The following FLOT2 variants were observed in gnomAD, a reference collection of about 807,000 sequenced individuals.
The protein encoded by FLOT2 is flotillin 2.
A neutral mutation model predicts 54.9 loss-of-function variants in FLOT2; 35 were observed. The observed-to-expected ratio is 0.64, with a 90% CI of 0.49 to 0.84. The LOEUF (loss-of-function observed/expected upper bound fraction) is 0.84, where lower values mean the gene tolerates loss of function less well. FLOT2 is among the 40% of genes least tolerant of loss of function. The pLI is 0.00. For missense variants in FLOT2, 464 were observed against 572.1 expected, an observed-to-expected ratio of 0.81 and a Z score of 1.93; for synonymous variants, 207 against 228.9, an observed-to-expected ratio of 0.90 and a Z score of 0.86.
intron 1 of FLOT2, among the ~76,000 whole-genome samples, chr17:28,889,689 G>A (rs2039610786): frequency 6.6e-6 from 1 of 151,562 alleles, no homozygotes; most frequent in African/African-American, 2.4e-5. Flanking sequence ...GCCCAGGCTG[G>A]AGTGCAGTGG....
chr17:28,880,086 A>T lies in FLOT2; in HGVS notation c.*475T>A, dbSNP rs2039421292. ...CCTGGGGCAGGGTTTAGGGCTGGGA[A>T]GACCAGTCCAGGAGAGAGGACAGTG... On this transcript the variant is annotated 3_prime_UTR_variant, in exon 11 of 11. Coordinates refer to ENST00000394908, the MANE Select transcript of FLOT2 (RefSeq NM_004475.3). 18 of 995,240 alleles carry T rather than the reference A, an allele frequency of 1.8e-5. No homozygotes were observed. The highest frequency in any genetic ancestry group is 2.2e-5 in the Non-Finnish European group (18 of 836,068). 61.7% of individuals were successfully genotyped at this position (995,240 alleles called of 1,614,324 possible).
Position 28,882,929 on chromosome 17 carries a change from C to A in FLOT2, c.346+179G>T. The A allele has an allele frequency of 1.5e-6, 1 of 678,254 alleles. No individual in the cohort carries two copies. The highest frequency in any genetic ancestry group is 2.7e-5 in the East Asian group (1 of 36,744). 42.0% of individuals were successfully genotyped at this position (678,254 alleles called of 1,614,324 possible). A position where few individuals can be genotyped will look rare whatever the true frequency, so the allele number is the denominator to read the frequency against. ...GAGCAGACCGACAGCCCCCATCCCACCCCTTCACTCATACCCTCTCCTTAA... is the reference window on the plus strand; with the variant it reads ...GAGCAGACCGACAGCCCCCATCCCAACCCTTCACTCATACCCTCTCCTTAA... On this transcript the variant is annotated intron_variant, in intron 4 of 10. Transcript: ENST00000394908. The surrounding 1 kb of genome is among the most constrained non-coding windows in gnomAD (Gnocchi z 5.6).
chr17:28,892,241 G>C (rs932926070), intron 1 of FLOT2, among the ~76,000 whole-genome samples: 42 of 151,984 alleles, frequency 2.8e-4, no homozygotes, highest in African/African-American at 9.9e-4. Context: ...TGGGGGCTGG[G>C]GCATGGCTGC....
rs1421466393 is a variant in FLOT2, at chr17:28,882,293, A to G, written c.579+44T>C. 1 of 1,614,034 alleles carries G rather than the reference A, an allele frequency of 6.2e-7. No homozygotes were observed. Among genetic ancestry groups the G allele is most frequent in the East Asian group, 2.2e-5 (1 of 44,878 alleles). On this transcript the variant is annotated intron_variant, in intron 6 of 10. Transcript: ENST00000394908. This position sits in a 1 kb window ranked among gnomAD's most constrained non-coding sequence, Gnocchi z 5.6. ...GAGTGAGTAGAGGTCCTGAGTCATCATGGTCCCATCACCCCTGAGCTTCCC... is the reference window on the plus strand; with the variant it reads ...GAGTGAGTAGAGGTCCTGAGTCATCGTGGTCCCATCACCCCTGAGCTTCCC...
chr17:28,882,393 C>G lies in FLOT2; in HGVS notation c.523G>C (p.Val175Leu). 1 of 1,614,134 alleles carries G rather than the reference C, an allele frequency of 6.2e-7. No individual in the cohort carries two copies. The highest frequency in any genetic ancestry group is 8.5e-7 in the Non-Finnish European group (1 of 1,180,036). Residue 175 changes from valine to leucine, a missense_variant, in exon 6 of 11, where the codon GTG (valine) becomes CTG (leucine). Val to Leu is a conservative substitution (Grantham distance 32, BLOSUM62 1). Transcript: ENST00000394908. The surrounding 1 kb of genome is among the most constrained non-coding windows in gnomAD (Gnocchi z 5.6). ...ACGCCAATGTCAGCATCTCTCTGCA[C>G]CACGGCAGTCTGCGTCTTGCCCAGG... is the stretch of plus-strand genomic sequence containing the variant. Reference protein sequence around the residue: ...SSLGKTQTAVVQRDADIGVAE... With the variant: ...SSLGKTQTAVLQRDADIGVAE...
At position 28,880,314 on chromosome 17, in the gene FLOT2, C is replaced by T; in HGVS notation, c.*247G>A. On this transcript the variant is annotated 3_prime_UTR_variant, in exon 11 of 11. Coordinates refer to ENST00000394908, the MANE Select transcript of FLOT2 (RefSeq NM_004475.3). ...AGAAAAAGACAGACAAAGGAAAAGA[C>T]ACGCAGGGAGATGAGACACAAACCT... The T allele has an allele frequency of 1.5e-6, 2 of 1,377,252 alleles. 1 individual carries two copies. The highest frequency in any genetic ancestry group is 3.5e-5 in the South Asian group (2 of 56,382). The allele number at this position is 1,377,252 out of a possible 1,614,324, so 85.3% of individuals were successfully genotyped here.
At position 28,880,339 on chromosome 17, in the gene FLOT2, TG is replaced by T; in HGVS notation, c.*221del. 7.1e-7 allele frequency: 1 copy of T among 1,402,778 alleles called. No individual in the cohort carries two copies. Among genetic ancestry groups the T allele is most frequent in the Non-Finnish European group, 9.3e-7 (1 of 1,080,184 alleles). 86.9% of individuals were successfully genotyped at this position (1,402,778 alleles called of 1,614,324 possible). ...CACGCAGGGAGATGAGACACAAACC[TG>T]ATGAAAGTGGCAGTGAAAGTGGGGT... On this transcript the variant is annotated 3_prime_UTR_variant, in exon 11 of 11. Coordinates refer to ENST00000394908, the MANE Select transcript of FLOT2 (RefSeq NM_004475.3).
At chr17:28,895,731 C>G (rs1309007572) in intron 1 of FLOT2, among the ~76,000 whole-genome samples, 2 of 152,032 alleles carry the variant, frequency 1.3e-5, no homozygotes, top group African/African-American at 2.4e-5. Context: ...TCCCCCGACC[C>G]CATCCAAATG....
chr17:28,896,100 T>G (rs1431091568), intron 1 of FLOT2, among the ~76,000 whole-genome samples: 1 of 152,180 alleles, frequency 6.6e-6, no homozygotes, highest in Non-Finnish European at 1.5e-5. Flanking sequence ...CATCCTCAGT[T>G]CTCAGCAAGA....
chr17:28,894,885 C>A (rs577711406), intron 1 of FLOT2, among the ~76,000 whole-genome samples: 1 of 147,022 alleles, frequency 6.8e-6, no homozygotes, highest in Non-Finnish European at 1.5e-5. Flanking sequence ...TGCCTAAGGA[C>A]CCCTCCTCAA....
intron 9 of FLOT2, 59 bp downstream of exon 9, chr17:28,881,133 G>A (rs1462858806): frequency 1.3e-6 from 2 of 1,504,796 alleles, no homozygotes; most frequent in Non-Finnish European, 1.8e-6. Context: ...TCTGGCACTT[G>A]CCCAGCTTGT....
rs777735240 is a variant in FLOT2 at position 28,882,165 on chromosome 17, C to T, written c.652G>A (p.Ala218Thr). 2.5e-6 allele frequency: 4 copies of T among 1,614,200 alleles called. No homozygotes were observed. In the South Asian group the frequency reaches 4.4e-5, roughly 18 times the overall value. The part of the protein sequence containing the change: ...ADTKIADSKR[A>T]FELQKSAFSE... ...AAGGCTGACTTTTGCAGCTCGAAGGCTCGCTTAGAGTCAGCAATCTTGGTG... is the reference window on the plus strand; with the variant it reads ...AAGGCTGACTTTTGCAGCTCGAAGGTTCGCTTAGAGTCAGCAATCTTGGTG... Residue 218 changes from alanine to threonine, a missense_variant, in exon 7 of 11, where the codon GCC becomes ACC. By Grantham distance (58) the Ala-to-Thr change is moderately conservative. Coordinates refer to ENST00000394908, the MANE Select transcript of FLOT2 (RefSeq NM_004475.3). The surrounding 1 kb of genome is among the most constrained non-coding windows in gnomAD (Gnocchi z 5.6).
In FLOT2 at chr17:28,882,130, C is replaced by T. The variant is rs1177014885; in HGVS notation, c.687G>A (p.Glu229=). The change falls in exon 7 of 11, where the codon GAG becomes GAA. Residue 229 remains glutamate, a synonymous_variant. Transcript: ENST00000394908. This position sits in a 1 kb window ranked among gnomAD's most constrained non-coding sequence, Gnocchi z 5.6. Reference sequence around the variant, plus strand: ...TCAGGCTGCTCACCTTGATGTTAACCTCCTCACTGAAGGCTGACTTTTGCA... The same window carrying T: ...TCAGGCTGCTCACCTTGATGTTAACTTCCTCACTGAAGGCTGACTTTTGCA... ...FELQKSAFSE[E]VNIKTAEAQL... The T allele has an allele frequency of 6.2e-7, 1 of 1,614,096 alleles. No individual in the cohort carries two copies.
In FLOT2 at chr17:28,880,724, C is replaced by T; in HGVS notation, c.1237G>A (p.Asp413Asn). The change falls in exon 10 of 11, where the codon GAC becomes AAC. Residue 413 changes from aspartate to asparagine, a missense_variant. By Grantham distance (23) the Asp-to-Asn change is conservative. Transcript: ENST00000394908. The stretch of plus-strand genomic sequence containing the variant: ...AGGCAGGCACATACCTTAGACAGGT[C>T]CACGCCTGTGAGGGCATGCACAGAG... ...PASVHALTGV[D>N]LSKIPLIKKA... The T allele has an allele frequency of 6.2e-7, 1 of 1,614,230 alleles. No individual in the cohort carries two copies. The highest frequency in any genetic ancestry group is 8.5e-7 in the Non-Finnish European group (1 of 1,180,040).
intron 2 of FLOT2, chr17:28,885,743 A>G (rs1296409178): frequency 9.5e-6 from 7 of 738,070 alleles, no homozygotes; most frequent in Non-Finnish European, 1.2e-5. Context: ...AGAAAAGAGG[A>G]GAGGGAGGAA....
chr17:28,885,750 G>A, intron 2 of FLOT2: 1 of 755,380 alleles, frequency 1.3e-6, no homozygotes, highest in South Asian at 1.5e-5. Flanking sequence ...AGGAGAGGGA[G>A]GAAGGCACGG....
In FLOT2 at chr17:28,883,231, C is replaced by T; in HGVS notation, c.223G>A (p.Val75Met). ...VALTVTGVAQ[V>M]KIMTEKELLA... Reference sequence around the variant, plus strand: ...AGTTCCTTCTCCGTCATGATCTTCACCTGTCAGTGACGACAAAGGCGCTTC... The same window carrying T: ...AGTTCCTTCTCCGTCATGATCTTCATCTGTCAGTGACGACAAAGGCGCTTC... Residue 75 changes from valine (V) to methionine (M), a missense_variant and splice_region_variant, in exon 4 of 11, where the codon GTG (valine) becomes ATG (methionine). By Grantham distance (21) the Val-to-Met change is conservative (BLOSUM62 1). Coordinates refer to ENST00000394908, the MANE Select transcript of FLOT2 (RefSeq NM_004475.3). This position sits in a 1 kb window ranked among gnomAD's most constrained non-coding sequence, Gnocchi z 5.0. 1 of 1,614,096 alleles carries T rather than the reference C, an allele frequency of 6.2e-7. No homozygotes were observed. Among genetic ancestry groups the T allele is most frequent in the Admixed American group, 1.7e-5 (1 of 60,024 alleles).
intron 1 of FLOT2, among the ~76,000 whole-genome samples, chr17:28,891,165 G>A (rs2039645049): frequency 6.6e-6 from 1 of 152,232 alleles, no homozygotes; most frequent in Non-Finnish European, 1.5e-5. Flanking sequence ...ACAGGCATGA[G>A]CCGCCGCGCC....
At chr17:28,895,816 T>G (rs2039731742) in intron 1 of FLOT2, among the ~76,000 whole-genome samples, 1 of 152,124 alleles carries the variant, frequency 6.6e-6, no homozygotes. Context: ...GGAGGGAAGT[T>G]AGATAATAAG....
Sources: gnomAD v4.1 joint callset for allele counts (sites outside exome capture counted in the v4.1 genomes callset) on GRCh38, gnomAD v4.1.1 for gene constraint, Gnocchi (gnomAD v3.1) non-coding constraint, MANE v1.5 for transcripts, NCBI Gene and HGNC (gene_info 2026-07-23, HGNC 2026-07-21) for gene names.